Variants in GREM2 observed in about 807,000 individuals in gnomAD.
GREM2 encodes the protein gremlin-2.
A neutral mutation model predicts 14.2 loss-of-function variants in GREM2; 11 were observed. The ratio of observed to expected loss-of-function variants is 0.78; its 90% confidence interval spans 0.49 to 1.28. GREM2 has a LOEUF of 1.28. Among genes scored for constraint, GREM2 ranks in the 50% most tolerant of loss-of-function variants. The pLI, the probability that GREM2 is intolerant of heterozygous loss-of-function variation, is 0.00. For missense variants in GREM2, 210 were observed against 218.5 expected, an observed-to-expected ratio of 0.96 and a Z score of 0.24; for synonymous variants, 98 against 97.6, an observed-to-expected ratio of 1.00 and a Z score of -0.02.
At chr1:240,582,899 A>G (rs1040863628) in intron 1 of GREM2, among the ~76,000 whole-genome samples, 3 of 149,398 alleles carry the variant, frequency 2.0e-5, no homozygotes, top group Non-Finnish European at 4.4e-5. Flanking sequence ...AAAGACAAAC[A>G]AAGTATAGGA....
chr1:240,556,328 C>G (rs1678951953), intron 1 of GREM2, among the ~76,000 whole-genome samples: 2 of 152,192 alleles, frequency 1.3e-5, no homozygotes, highest in African/African-American at 4.8e-5. Context: ...TTAGCACCAT[C>G]AGGGAATAAA....
At chr1:240,528,941 T>C (rs1418932967) in intron 1 of GREM2, among the ~76,000 whole-genome samples, 1 of 152,104 alleles carries the variant, frequency 6.6e-6, no homozygotes, top group Non-Finnish European at 1.5e-5. Flanking sequence ...CAGGGCTTTC[T>C]TGAAAGGAGC....
In GREM2 at chr1:240,561,693, TACAC is replaced by T. The variant is rs541661990; in HGVS notation, c.-2+50187_-2+50190del. On this transcript the variant is annotated intron_variant, in intron 1 of 1. Transcript: ENST00000318160. ...ATTAGTCACACAAAATAATCCTGCA[TACAC>T]ACACACACACACACACACACACACA... is the stretch of plus-strand genomic sequence containing the variant. Among the ~76,000 whole-genome samples the T allele has an allele frequency of 9.8e-3, 1,425 of 145,684 alleles. 14 individuals are homozygous for T. Among genetic ancestry groups the T allele is most frequent in the African/African-American group, 0.022 (890 of 39,738 alleles).
chr1:240,565,470 G>A (rs1454969724), intron 1 of GREM2, among the ~76,000 whole-genome samples: 2 of 152,054 alleles, frequency 1.3e-5, no homozygotes, highest in Non-Finnish European at 2.9e-5. Context: ...ACTCCAATAA[G>A]TATCATCAAT....
At chr1:240,519,582 A>G (rs1056565973) in intron 1 of GREM2, among the ~76,000 whole-genome samples, 3 of 152,122 alleles carry the variant, frequency 2.0e-5, no homozygotes, top group Non-Finnish European at 4.4e-5. Context: ...CTGAAAGCAT[A>G]TTTGTTTTGA....
chr1:240,571,440 T>G (rs1413391842), intron 1 of GREM2, among the ~76,000 whole-genome samples: 15 of 152,194 alleles, frequency 9.9e-5, no homozygotes, highest in Non-Finnish European at 1.5e-5. Flanking sequence ...ACGCCTGTAA[T>G]CCCAGCACTT....
chr1:240,565,553 A>C (rs2103357200), intron 1 of GREM2, among the ~76,000 whole-genome samples: 1 of 152,246 alleles, frequency 6.6e-6, no homozygotes, highest in African/African-American at 2.4e-5. Context: ...TAAGTATTTA[A>C]GAAGTGATTC....
Position 240,498,734 on chromosome 1 carries a change from T to C in GREM2, c.-1-5258A>G, listed in dbSNP as rs151191428. Among the ~76,000 whole-genome samples the C allele has an allele frequency of 3.8e-3, 585 of 152,300 alleles. 3 individuals are homozygous for C. Among genetic ancestry groups the C allele is most frequent in the African/African-American group, 0.013 (551 of 41,564 alleles). On this transcript the variant is annotated intron_variant, in intron 1 of 1. Coordinates refer to ENST00000318160, the MANE Select transcript of GREM2 (RefSeq NM_022469.4). ...AAAATGGTTGGCACACAATTAACCTTTCAGGAATGTTGCCACCCCTGCCGG... is the reference window on the plus strand; with the variant it reads ...AAAATGGTTGGCACACAATTAACCTCTCAGGAATGTTGCCACCCCTGCCGG...
chr1:240,563,157 G>GTGTGTGTA (rs1363867090), intron 1 of GREM2, among the ~76,000 whole-genome samples: 1 of 151,634 alleles, frequency 6.6e-6, no homozygotes, highest in Non-Finnish European at 1.5e-5. Context: ...GAGTGTGTAT[G>GTGTGTGTA]TGTGTACGTG....
intron 1 of GREM2, among the ~76,000 whole-genome samples, chr1:240,603,076 TC>T (rs753247882): frequency 6.6e-5 from 10 of 151,786 alleles, no homozygotes; most frequent in East Asian, 1.9e-4. Flanking sequence ...AGAGCGAGAC[TC>T]GTCTCAAAAA....
chr1:240,497,531 A>T (rs1215873258), intron 1 of GREM2, among the ~76,000 whole-genome samples: 1 of 152,040 alleles, frequency 6.6e-6, no homozygotes, highest in Admixed American at 6.6e-5. Context: ...GGTCCCTTGA[A>T]ATCTGAACAG....
intron 1 of GREM2, among the ~76,000 whole-genome samples, chr1:240,597,189 G>A (rs1351677519): frequency 2.0e-5 from 3 of 152,234 alleles, no homozygotes; most frequent in African/African-American, 7.2e-5. Context: ...AGCCAGGAAT[G>A]AGACCGCTGT....
chr1:240,532,445 T>C (rs1295823885), intron 1 of GREM2, among the ~76,000 whole-genome samples: 1 of 152,170 alleles, frequency 6.6e-6, no homozygotes, highest in Non-Finnish European at 1.5e-5. Context: ...TCTAACTTGA[T>C]GACAATTTCC....
At chr1:240,595,223 T>C (rs1460185239) in intron 1 of GREM2, among the ~76,000 whole-genome samples, 3 of 152,246 alleles carry the variant, frequency 2.0e-5, no homozygotes, top group Non-Finnish European at 2.9e-5. Context: ...TCCCAGCTAT[T>C]TGGGAGGCTG....
chr1:240,530,149 G>A (rs1678318942), intron 1 of GREM2, among the ~76,000 whole-genome samples: 2 of 152,136 alleles, frequency 1.3e-5, no homozygotes, highest in African/African-American at 4.8e-5. Context: ...ACAATAAGGA[G>A]TTCTATAACC....
chr1:240,495,977 A>G (rs994270004), intron 1 of GREM2, among the ~76,000 whole-genome samples: 1 of 151,332 alleles, frequency 6.6e-6, no homozygotes, highest in Non-Finnish European at 1.5e-5. Flanking sequence ...TCACTCTGTC[A>G]CCAGGCTGGA....
At chr1:240,509,569 T>C (rs1354067753) in intron 1 of GREM2, among the ~76,000 whole-genome samples, 1 of 151,928 alleles carries the variant, frequency 6.6e-6, no homozygotes, top group Non-Finnish European at 1.5e-5. Context: ...GGTTTCTCCA[T>C]GTTGGTCAGG....
chr1:240,599,672 G>C (rs1425755076), intron 1 of GREM2, among the ~76,000 whole-genome samples: 1 of 152,192 alleles, frequency 6.6e-6, no homozygotes, highest in Admixed American at 6.5e-5. Context: ...GGTCCAGAAA[G>C]AAGAGAAGAA....
intron 1 of GREM2, among the ~76,000 whole-genome samples, chr1:240,607,228 AT>A (rs1467477424): frequency 1.4e-4 from 21 of 152,174 alleles, no homozygotes; most frequent in African/African-American, 5.1e-4. Context: ...CCGCCTTCTC[AT>A]TGTAAAGAGT....
Sources: allele counts gnomAD v4.1 joint callset (sites outside exome capture counted in the v4.1 genomes callset), GRCh38; gene constraint gnomAD v4.1.1; transcripts MANE v1.5; gene names NCBI Gene and HGNC (gene_info 2026-07-23, HGNC 2026-07-21).